SEMA5A: variants seen among roughly 807,000 people sequenced by gnomAD.
The protein encoded by SEMA5A is semaphorin-5A.
SEMA5A carries 55 observed loss-of-function variants against 135.5 expected under a neutral mutation model. That is an observed-to-expected ratio of 0.41 (90% confidence interval 0.33 to 0.51). SEMA5A has a LOEUF of 0.51. SEMA5A is among the 20% of genes least tolerant of loss of function. The pLI is 0.37. For missense variants in SEMA5A, 1,290 were observed against 1,419.9 expected (o/e 0.91, Z 1.47); for synonymous variants, 580 against 546.5 (o/e 1.06, Z -0.85).
At chr5:9,473,724 T>C (rs1759567388) in intron 1 of SEMA5A, among the ~76,000 whole-genome samples, 1 of 152,072 alleles carries the variant, frequency 6.6e-6, no homozygotes, top group Non-Finnish European at 1.5e-5. Context: ...ATGGGTGGAC[T>C]GGCAGAAGGG....
intron 14 of SEMA5A, among the ~76,000 whole-genome samples, chr5:9,120,049 C>T (rs60224650): frequency 0.078 from 11,876 of 151,986 alleles, 489 homozygotes; most frequent in South Asian, 0.16. Context: ...CCCCTTAACA[C>T]GTTGCTCCTG....
chr5:9,122,498 T>C (rs569168015), intron 14 of SEMA5A, among the ~76,000 whole-genome samples, 158 bp downstream of exon 14: 40 of 152,326 alleles, frequency 2.6e-4, no homozygotes, highest in African/African-American at 9.6e-4. Context: ...GTTTAAAATC[T>C]CCTTGCAAAA....
intron 3 of SEMA5A, among the ~76,000 whole-genome samples, chr5:9,378,298 T>A (rs1011018589): frequency 6.6e-6 from 1 of 152,134 alleles, no homozygotes; most frequent in South Asian, 2.1e-4. Context: ...AAAGAGTTGA[T>A]GAAGGAAAGA....
intron 15 of SEMA5A, among the ~76,000 whole-genome samples, chr5:9,111,045 GT>G (rs1190026678): frequency 2.0e-5 from 3 of 152,208 alleles, no homozygotes; most frequent in African/African-American, 7.2e-5. Flanking sequence ...ATGTGTGTTG[GT>G]TCATGGAGTA....
At chr5:9,280,010 A>G (rs377545631) in intron 5 of SEMA5A, among the ~76,000 whole-genome samples, 1 of 152,212 alleles carries the variant, frequency 6.6e-6, no homozygotes, top group African/African-American at 2.4e-5. Context: ...CCTTTCCAAG[A>G]AAGAGGTGAC....
At chr5:9,314,524 T>A (rs1752307039) in intron 5 of SEMA5A, among the ~76,000 whole-genome samples, 1 of 152,196 alleles carries the variant, frequency 6.6e-6, no homozygotes, top group Non-Finnish European at 1.5e-5. Context: ...GCCTAGCAGA[T>A]CATCTTAAAT....
intron 8 of SEMA5A, among the ~76,000 whole-genome samples, chr5:9,220,887 T>C (rs1369462818): frequency 6.6e-6 from 1 of 152,144 alleles, no homozygotes. Context: ...CATGGTGGGA[T>C]GCAAAGGGCA....
chr5:9,385,488 G>C (rs1755846664), intron 2 of SEMA5A, among the ~76,000 whole-genome samples: 1 of 152,176 alleles, frequency 6.6e-6, no homozygotes, highest in Non-Finnish European at 1.5e-5. Context: ...GATGGATATA[G>C]CCTAATCTGT....
At chr5:9,365,142 C>T (rs1210117502) in intron 3 of SEMA5A, among the ~76,000 whole-genome samples, 1 of 152,160 alleles carries the variant, frequency 6.6e-6, no homozygotes, top group East Asian at 1.9e-4. Context: ...ATATACAGAA[C>T]TGACAACACA....
chr5:9,409,478 T>C (rs1463124089), intron 2 of SEMA5A, among the ~76,000 whole-genome samples: 1 of 152,076 alleles, frequency 6.6e-6, no homozygotes, highest in African/African-American at 2.4e-5. Context: ...GAACCAAAAC[T>C]CCACCTCTCT....
At position 9,438,843 on chromosome 5, in the gene SEMA5A, C is replaced by T. The variant is rs144636340; in HGVS notation, c.-174-991G>A. 3.0e-3 allele frequency among the ~76,000 whole-genome samples: 463 copies of T among 152,312 alleles called. 1 individual carries two copies. Among genetic ancestry groups the T allele is most frequent in the East Asian group, 7.9e-3 (41 of 5,174 alleles). On this transcript the variant is annotated intron_variant, in intron 1 of 22. Transcript: ENST00000382496. Reference sequence around the variant, plus strand: ...CCACACGGTCAGCTTCAGTCATGATCCGAGGCCATCTGCCTGCAGAAAATG... The same window carrying T: ...CCACACGGTCAGCTTCAGTCATGATTCGAGGCCATCTGCCTGCAGAAAATG...
chr5:9,059,745 T>G (rs1579319615), intron 18 of SEMA5A, among the ~76,000 whole-genome samples: 1 of 152,248 alleles, frequency 6.6e-6, no homozygotes, highest in African/African-American at 2.4e-5. Context: ...GAATAAGTTT[T>G]TACCATGTTG....
At chr5:9,208,431 C>G (rs1746167866) in intron 8 of SEMA5A, among the ~76,000 whole-genome samples, 1 of 152,114 alleles carries the variant, frequency 6.6e-6, no homozygotes, top group Admixed American at 6.5e-5. Flanking sequence ...ATAGACACAG[C>G]CCGTGCCCTC....
intron 8 of SEMA5A, 90 bp from the exon 9 acceptor site, chr5:9,202,330 T>A: frequency 7.1e-7 from 1 of 1,409,154 alleles, no homozygotes; most frequent in East Asian, 2.3e-5. Context: ...CAAAGAGACG[T>A]GGTTTTGTTT....
chr5:9,140,565 C>T (rs965188221), intron 12 of SEMA5A, among the ~76,000 whole-genome samples: 3 of 152,222 alleles, frequency 2.0e-5, no homozygotes, highest in Admixed American at 1.3e-4. Context: ...TGTGACTCCA[C>T]CTGGCTGTGC....
chr5:9,374,698 A>G (rs918367381), intron 3 of SEMA5A, among the ~76,000 whole-genome samples: 5 of 151,426 alleles, frequency 3.3e-5, no homozygotes, highest in Admixed American at 1.3e-4. Context: ...TCCTCAGAGA[A>G]GCACTTCCTT....
At chr5:9,446,612 C>A (rs1468102869) in intron 1 of SEMA5A, among the ~76,000 whole-genome samples, 1 of 152,060 alleles carries the variant, frequency 6.6e-6, no homozygotes, top group African/African-American at 2.4e-5. Flanking sequence ...AGAGGAAAAT[C>A]TCAGTCCCTA....
intron 1 of SEMA5A, among the ~76,000 whole-genome samples, chr5:9,536,419 C>A (rs1737770352): frequency 6.6e-6 from 1 of 152,008 alleles, no homozygotes; most frequent in Non-Finnish European, 1.5e-5. Context: ...TCGAGACCAG[C>A]CTGACCAACA....
Position 9,066,527 on chromosome 5 carries a change from G to T in SEMA5A, c.2193C>A (p.Tyr731Ter). Reference sequence around the variant, plus strand: ...GATCAGCCAGGCGGGCTTTGCATGTGTATCGGAATCGTTGCTCATAGTGGC... The same window carrying T: ...GATCAGCCAGGCGGGCTTTGCATGTTTATCGGAATCGTTGCTCATAGTGGC... ...NGGHYEQRFR[Y>*]TCKARLADPN... The change falls in exon 17 of 23, where the codon TAC (tyrosine) becomes TAA (stop). Residue 731 changes from tyrosine (Y) to a stop codon, truncating the protein, a stop_gained. Coordinates refer to ENST00000382496, the MANE Select transcript of SEMA5A (RefSeq NM_003966.3). LOFTEE classifies it high-confidence loss of function. The T allele has an allele frequency of 6.2e-7, 1 of 1,614,178 alleles. No individual in the cohort carries two copies. Among genetic ancestry groups the T allele is most frequent in the Non-Finnish European group, 8.5e-7 (1 of 1,180,036 alleles).
Sources: allele counts gnomAD v4.1 joint callset (sites outside exome capture counted in the v4.1 genomes callset), GRCh38; gene constraint gnomAD v4.1.1; transcripts MANE v1.5; gene names NCBI Gene and HGNC (gene_info 2026-07-23, HGNC 2026-07-21).